SEMA3E: variants seen among roughly 807,000 people sequenced by gnomAD.
The protein encoded by SEMA3E is semaphorin 3E, also known as semaphorin-3E.
Under a neutral mutation model 93.6 loss-of-function variants are expected in SEMA3E, and 49 were observed. The observed-to-expected ratio is 0.52, with a 90% CI of 0.42 to 0.66. The LOEUF (loss-of-function observed/expected upper bound fraction) is 0.66, where lower values mean the gene tolerates loss of function less well. Among genes scored for constraint, SEMA3E ranks in the 30% least tolerant of loss-of-function variants. The pLI is 0.00. For synonymous variants in SEMA3E, 363 were observed against 330.7 expected, an observed-to-expected ratio of 1.10 and a Z score of -1.06; for missense variants, 906 against 964.8, an observed-to-expected ratio of 0.94 and a Z score of 0.81.
At chr7:83,412,809 C>T (rs1392788480) in intron 5 of SEMA3E, among the ~76,000 whole-genome samples, 1 of 148,544 alleles carries the variant, frequency 6.7e-6, no homozygotes, top group Non-Finnish European at 1.5e-5. Flanking sequence ...CTTTTAAAAA[C>T]TGTTTCAGAG....
chr7:83,410,240 T>G (rs1788412006), intron 5 of SEMA3E, among the ~76,000 whole-genome samples: 1 of 151,976 alleles, frequency 6.6e-6, no homozygotes, highest in Non-Finnish European at 1.5e-5. Flanking sequence ...AGTAAATGTG[T>G]CAGAGTGTTA....
In SEMA3E at chr7:83,504,726, C is replaced by T. The variant is rs1374369423; in HGVS notation, c.116-14452G>A. ...ATCCAGAAATCCCTGTTGTTTATAA[C>T]CTGTCGTGAGGCAAATAGTACCTAA... On this transcript the variant is annotated intron_variant, in intron 1 of 16. Coordinates refer to ENST00000643230, the MANE Select transcript of SEMA3E (RefSeq NM_012431.3). Among the ~76,000 whole-genome samples, 3 of 152,000 alleles carry T rather than the reference C, an allele frequency of 2.0e-5. No individual in the cohort carries two copies. The East Asian group carries it at 5.8e-4, about 29-fold the overall frequency.
intron 3 of SEMA3E, among the ~76,000 whole-genome samples, chr7:83,467,554 G>A (rs1241815549): frequency 2.0e-5 from 3 of 152,152 alleles, no homozygotes; most frequent in East Asian, 1.9e-4. Flanking sequence ...TGTAAAGGAC[G>A]AGAATGTAAA....
chr7:83,608,403 A>G (rs1024999671), intron 1 of SEMA3E, among the ~76,000 whole-genome samples: 3 of 152,076 alleles, frequency 2.0e-5, no homozygotes, highest in African/African-American at 7.2e-5. Context: ...TTTTTAAAGG[A>G]AAAATTTATT....
intron 1 of SEMA3E, among the ~76,000 whole-genome samples, chr7:83,602,413 G>A (rs547641845): frequency 1.3e-5 from 2 of 151,900 alleles, no homozygotes; most frequent in African/African-American, 4.8e-5. Context: ...TATCTCCACG[G>A]CCCTCCCCTA....
chr7:83,514,061 A>G (rs1790879226), intron 1 of SEMA3E, among the ~76,000 whole-genome samples: 1 of 152,088 alleles, frequency 6.6e-6, no homozygotes, highest in Non-Finnish European at 1.5e-5. Context: ...TACCAAAACC[A>G]AGATCGCCAC....
At chr7:83,501,282 G>A (rs928963660) in intron 1 of SEMA3E, among the ~76,000 whole-genome samples, 5 of 152,104 alleles carry the variant, frequency 3.3e-5, no homozygotes, top group Non-Finnish European at 7.4e-5. Flanking sequence ...TATGAACAAA[G>A]TTAGCTAATG....
At chr7:83,429,155 T>C (rs1788833057) in intron 4 of SEMA3E, among the ~76,000 whole-genome samples, 1 of 152,196 alleles carries the variant, frequency 6.6e-6, no homozygotes, top group African/African-American at 2.4e-5. Flanking sequence ...AGTCCTTTAA[T>C]ACCATTGGAA....
At chr7:83,369,213 T>C (rs373206234) in intron 16 of SEMA3E, among the ~76,000 whole-genome samples, 8 of 152,194 alleles carry the variant, frequency 5.3e-5, no homozygotes, top group Non-Finnish European at 7.4e-5. Flanking sequence ...ATAAAAGAAA[T>C]GTAGAGGCAA....
chr7:83,585,265 T>C (rs886754482), intron 1 of SEMA3E, among the ~76,000 whole-genome samples: 2 of 152,180 alleles, frequency 1.3e-5, no homozygotes, highest in African/African-American at 2.4e-5. Flanking sequence ...GAGCCTCCCA[T>C]TGTTTTCATA....
At chr7:83,442,051 A>G (rs886516091) in intron 4 of SEMA3E, among the ~76,000 whole-genome samples, 2 of 152,196 alleles carry the variant, frequency 1.3e-5, no homozygotes, top group Non-Finnish European at 2.9e-5. Flanking sequence ...TATTATGGAG[A>G]AAAAATGTAG....
At chr7:83,397,496 A>G (rs373087113) in intron 11 of SEMA3E, among the ~76,000 whole-genome samples, 3 of 152,144 alleles carry the variant, frequency 2.0e-5, no homozygotes, top group African/African-American at 7.2e-5. Context: ...CATACATGCA[A>G]GCACACACAG....
chr7:83,524,549 T>C (rs910638470), intron 1 of SEMA3E, among the ~76,000 whole-genome samples: 8 of 152,104 alleles, frequency 5.3e-5, no homozygotes, highest in Non-Finnish European at 1.0e-4. Flanking sequence ...TAACACGTCA[T>C]TCATTGTACA....
chr7:83,402,559 A>C (rs530764121), intron 10 of SEMA3E, 73 bp downstream of exon 10: 2 of 1,392,812 alleles, frequency 1.4e-6, no homozygotes, highest in Non-Finnish European at 2.0e-6. Flanking sequence ...GCAAAGTCTT[A>C]TGAAACAGTG....
At chr7:83,560,495 G>T (rs1016908995) in intron 1 of SEMA3E, among the ~76,000 whole-genome samples, 3 of 152,104 alleles carry the variant, frequency 2.0e-5, no homozygotes, top group African/African-American at 7.2e-5. Flanking sequence ...GAAATTCAGA[G>T]AAATTTTGTG....
chr7:83,618,266 C>CA (rs1445764246), intron 1 of SEMA3E, among the ~76,000 whole-genome samples: 2 of 151,942 alleles, frequency 1.3e-5, no homozygotes, highest in African/African-American at 4.8e-5. Flanking sequence ...GTAATTAACC[C>CA]AAAATCACAC....
intron 1 of SEMA3E, among the ~76,000 whole-genome samples, chr7:83,636,562 C>T (rs1793886457): frequency 6.6e-6 from 1 of 151,998 alleles, no homozygotes; most frequent in Non-Finnish European, 1.5e-5. Context: ...ATATAACTGC[C>T]CTCAGTATTT....
At chr7:83,447,166 GA>G (rs941050300) in intron 4 of SEMA3E, among the ~76,000 whole-genome samples, 1 of 152,108 alleles carries the variant, frequency 6.6e-6, no homozygotes, top group Admixed American at 6.6e-5. Flanking sequence ...TCTATATACT[GA>G]TCAATTAATC....
In SEMA3E at chr7:83,562,464, TTTTATTTATTTATTTA is replaced by T. The variant is rs149261610; in HGVS notation, c.116-72206_116-72191del. 4.3e-5 allele frequency among the ~76,000 whole-genome samples: 6 copies of T among 141,084 alleles called. No homozygotes were observed. In the East Asian group the frequency reaches 1.1e-3, roughly 25 times the overall value. The allele number at this position is 141,084 out of a possible 152,430, so 92.6% of individuals were successfully genotyped here. A position where few individuals can be genotyped will look rare whatever the true frequency, so the allele number is the denominator to read the frequency against. Reference sequence around the variant, plus strand: ...CATAGGAAGGCTTTCTGAACTTCCTTTTTATTTATTTATTTATTTATTTATTTATTTATTTATTTAT... The same window carrying T: ...CATAGGAAGGCTTTCTGAACTTCCTTTTTATTTATTTATTTATTTATTTAT... On this transcript the variant is annotated intron_variant, in intron 1 of 16. Coordinates refer to ENST00000643230, the MANE Select transcript of SEMA3E (RefSeq NM_012431.3).
Sources: allele counts gnomAD v4.1 joint callset (sites outside exome capture counted in the v4.1 genomes callset), GRCh38; gene constraint gnomAD v4.1.1; transcripts MANE v1.5; gene names NCBI Gene and HGNC (gene_info 2026-07-23, HGNC 2026-07-21).